PLEKHA4: variants seen among roughly 807,000 people sequenced by gnomAD.
PLEKHA4 encodes the protein pleckstrin homology domain containing A4.
In PLEKHA4, 73 loss-of-function variants were observed where a neutral mutation model predicts 94.7. The ratio of observed to expected loss-of-function variants is 0.77; its 90% CI spans 0.64 to 0.94. The LOEUF (loss-of-function observed/expected upper bound fraction) is 0.94, where lower values mean the gene tolerates loss of function less well. Ranked by LOEUF, PLEKHA4 falls within the 40% of genes least tolerant of loss-of-function variation. PLEKHA4 has a pLI of 0.00. For missense variants in PLEKHA4, 1,049 were observed against 1,054.1 expected (o/e 1.00, Z 0.07); for synonymous variants, 449 against 437.1 (o/e 1.03, Z -0.34).
rs376016425 is a variant in PLEKHA4 at position 48,852,338 on chromosome 19, T to C, written c.1327-12A>G. On this transcript the variant is annotated splice_polypyrimidine_tract_variant and intron_variant, in intron 12 of 19. Coordinates refer to ENST00000263265, the MANE Select transcript of PLEKHA4 (RefSeq NM_020904.3). ...ACCCTCTCTCGCTCCTCAGGTTGCA[T>C]AAAGGGGGAGACATAGGTTAGGTCC... 7 of 1,607,618 alleles carry C rather than the reference T, an allele frequency of 4.4e-6. No individual in the cohort carries two copies. The highest frequency in any genetic ancestry group is 1.3e-5 in the African/African-American group (1 of 74,890).
chr19:48,848,448 T>C (rs1044695548), intron 13 of PLEKHA4, among the ~76,000 whole-genome samples: 8 of 140,498 alleles, frequency 5.7e-5, no homozygotes, highest in African/African-American at 2.2e-4. Context: ...ATCCCGCCAC[T>C]GCACTCCAGC....
chr19:48,861,576 G>A (rs762584805), intron 4 of PLEKHA4, 44 bp downstream of exon 4: 6 of 1,611,294 alleles, frequency 3.7e-6, no homozygotes, highest in African/African-American at 1.3e-5. Context: ...GGCAGACTGG[G>A]CGGGGGGGCC....
At chr19:48,861,533 C>A (rs1039894191) in intron 4 of PLEKHA4, 32 bp from the exon 5 acceptor site, 2 of 1,613,152 alleles carry the variant, frequency 1.2e-6, no homozygotes, top group Admixed American at 3.3e-5. Flanking sequence ...AAGGATCACA[C>A]AGGGATCAGA....
At position 48,840,436 on chromosome 19, in the gene PLEKHA4, T is replaced by C. The variant is rs193073404; in HGVS notation, c.1905+713A>G. 4.5e-3 allele frequency among the ~76,000 whole-genome samples: 686 copies of C among 151,050 alleles called. 2 individuals are homozygous for C. The highest frequency in any genetic ancestry group is 0.016 in the African/African-American group (645 of 41,282). On this transcript the variant is annotated intron_variant, in intron 17 of 19. Transcript: ENST00000263265. ...AAAAAGAAAACATCTTTTTTTTTTTTTTTTTTGAGACAGAGTTTCACTCTT... is the reference window on the plus strand; with the variant it reads ...AAAAAGAAAACATCTTTTTTTTTTTCTTTTTTGAGACAGAGTTTCACTCTT...
At chr19:48,840,599 A>G (rs1461954169) in intron 17 of PLEKHA4, among the ~76,000 whole-genome samples, 1 of 151,598 alleles carries the variant, frequency 6.6e-6, no homozygotes, top group Non-Finnish European at 1.5e-5. Context: ...CTAATTTTCT[A>G]TTTTTAGTAG....
intron 12 of PLEKHA4, 57 bp from the exon 13 acceptor site, chr19:48,852,383 C>T (rs2036233001): frequency 7.6e-7 from 1 of 1,313,362 alleles, no homozygotes; most frequent in Non-Finnish European, 1.1e-6. Flanking sequence ...CAGATCCTTC[C>T]CCACCCCATC....
rs759731394 is a variant in PLEKHA4, at chr19:48,861,384, T to C, written c.366+17A>G. ...AGTTCCCATCGCCTGGTGCACAACATGGATGGATGGACTCACGGTGAAGGT... is the reference window on the plus strand; with the variant it reads ...AGTTCCCATCGCCTGGTGCACAACACGGATGGATGGACTCACGGTGAAGGT... On this transcript the variant is annotated intron_variant, in intron 5 of 19. Transcript: ENST00000263265. 2 of 1,602,546 alleles carry C rather than the reference T, an allele frequency of 1.2e-6. No individual in the cohort carries two copies. Among genetic ancestry groups the C allele is most frequent in the Non-Finnish European group, 1.7e-6 (2 of 1,170,682 alleles).
Position 48,867,493 on chromosome 19 carries a change from C to T in PLEKHA4, c.84+44G>A. ...TTGGGGAAACAGAAGGATGGGCGGC[C>T]CAGAGCCCCACCTTCCTCCCCATCC... On this transcript the variant is annotated intron_variant, in intron 2 of 19. Transcript: ENST00000263265. This position sits in a 1 kb window ranked among gnomAD's most constrained non-coding sequence, Gnocchi z 4.7. The T allele has an allele frequency of 6.4e-7, 1 of 1,555,052 alleles. No homozygotes were observed. Among genetic ancestry groups the T allele is most frequent in the Non-Finnish European group, 8.7e-7 (1 of 1,148,644 alleles).
chr19:48,856,223 AAAAGGAAAGG>A (rs920959634), intron 9 of PLEKHA4, among the ~76,000 whole-genome samples: 1 of 150,360 alleles, frequency 6.7e-6, no homozygotes, highest in Non-Finnish European at 1.5e-5. Flanking sequence ...AAGAGAGAGA[AAAAGGAAAGG>A]AAAGGAAAGA....
At position 48,865,618 on chromosome 19, in the gene PLEKHA4, G is replaced by A; in HGVS notation, c.85-8C>T. The A allele has an allele frequency of 5.0e-6, 8 of 1,593,984 alleles. No homozygotes were observed. The highest frequency in any genetic ancestry group is 6.0e-6 in the Non-Finnish European group (7 of 1,162,342). ...TACTGCCCGGGTGGGCTTCTGAGGA[G>A]AGAAGGGGACAGAAGTGAACAGGGA... On this transcript the variant is annotated splice_region_variant and splice_polypyrimidine_tract_variant and intron_variant, in intron 2 of 19. Transcript: ENST00000263265.
intron 3 of PLEKHA4, among the ~76,000 whole-genome samples, chr19:48,863,432 G>GTTTTTT (rs113645066): frequency 4.8e-5 from 5 of 104,722 alleles, no homozygotes; most frequent in Admixed American, 1.0e-4. Flanking sequence ...TAGGTTTTTT[G>GTTTTTT]TTTTTTTTTT....
At chr19:48,845,176 G>A in intron 16 of PLEKHA4, 194 bp downstream of exon 16, 1 of 570,440 alleles carries the variant, frequency 1.8e-6, no homozygotes, top group Non-Finnish European at 3.2e-6. Context: ...AAGGCACAGA[G>A]AGGTTTAATA....
At position 48,838,145 on chromosome 19, in the gene PLEKHA4, A is replaced by C; in HGVS notation, c.1965-16T>G. Reference sequence around the variant, plus strand: ...GTTCCTTGGACTAGAAAAAAAAAGAAGATTGGGGGTGGGGGTGTGTACATG... The same window carrying C: ...GTTCCTTGGACTAGAAAAAAAAAGACGATTGGGGGTGGGGGTGTGTACATG... On this transcript the variant is annotated splice_polypyrimidine_tract_variant and intron_variant, in intron 18 of 19. Transcript: ENST00000263265. 7 of 1,299,020 alleles carry C rather than the reference A, an allele frequency of 5.4e-6. No individual in the cohort carries two copies. The highest frequency in any genetic ancestry group is 1.9e-4 in the Middle Eastern group (1 of 5,254). The allele number at this position is 1,299,020 out of a possible 1,614,324, so 80.5% of individuals were successfully genotyped here.
intron 9 of PLEKHA4, among the ~76,000 whole-genome samples, chr19:48,856,882 GAGAGAGAC>G: frequency 8.6e-6 from 1 of 115,640 alleles, no homozygotes; most frequent in South Asian, 3.0e-4. Context: ...CTGGGCGACA[GAGAGAGAC>G]CCCGTCTCAA....
rs776587250 is a variant in PLEKHA4, at chr19:48,848,008, C to A, written c.1458G>T (p.Met486Ile). 6.8e-6 allele frequency: 11 copies of A among 1,613,746 alleles called. No individual in the cohort carries two copies. Among genetic ancestry groups the A allele is most frequent in the Non-Finnish European group, 9.3e-6 (11 of 1,179,960 alleles). The change falls in exon 14 of 20, where the codon ATG becomes ATT. Residue 486 changes from methionine to isoleucine, a missense_variant. Met to Ile is a conservative substitution (Grantham distance 10). Transcript: ENST00000263265. ...DRVSAQQQLW[M>I]VEDTLAGLGG... The stretch of plus-strand genomic sequence containing the variant: ...CCAGACCTGCCAGCGTGTCTTCCAC[C>A]ATCCACAGCTGCTGCTGAGCAGACA...
At chr19:48,843,254 C>A (rs1370590197) in intron 16 of PLEKHA4, among the ~76,000 whole-genome samples, 1 of 152,148 alleles carries the variant, frequency 6.6e-6, no homozygotes, top group Non-Finnish European at 1.5e-5. Flanking sequence ...TCTTGGCTCA[C>A]TGCAACCTCT....
At chr19:48,839,100 C>T (rs2035656486) in intron 18 of PLEKHA4, 105 bp downstream of exon 18, 9 of 678,784 alleles carry the variant, frequency 1.3e-5, no homozygotes, top group South Asian at 3.0e-5. Context: ...AGAAGGGTTG[C>T]GATTTGTACT....
At chr19:48,840,231 G>A (rs996951600) in intron 17 of PLEKHA4, among the ~76,000 whole-genome samples, 5 of 151,792 alleles carry the variant, frequency 3.3e-5, no homozygotes, top group East Asian at 1.9e-4. Flanking sequence ...CCTGGCCAAC[G>A]TGGTAAAAAT....
chr19:48,866,551 C>A (rs554336600), intron 2 of PLEKHA4, among the ~76,000 whole-genome samples: 218 of 152,328 alleles, frequency 1.4e-3, no homozygotes, highest in African/African-American at 4.8e-3. Flanking sequence ...AGGTGATCCA[C>A]CCGCCTCAGC....
Sources: gnomAD v4.1 joint callset for allele counts (sites outside exome capture counted in the v4.1 genomes callset) on GRCh38, gnomAD v4.1.1 for gene constraint, Gnocchi (gnomAD v3.1) non-coding constraint, MANE v1.5 for transcripts, NCBI Gene and HGNC (gene_info 2026-07-23, HGNC 2026-07-21) for gene names.